The following RBL1 variants were observed in gnomAD, a reference collection of about 807,000 sequenced individuals.
The protein encoded by RBL1 is RB transcriptional corepressor like 1, also known as retinoblastoma-like protein 1.
A neutral mutation model predicts 123.0 loss-of-function variants in RBL1; 82 were observed. That is an observed-to-expected ratio of 0.67 (90% CI 0.56 to 0.80). The LOEUF (loss-of-function observed/expected upper bound fraction) is 0.80. Among genes scored for constraint, RBL1 ranks in the 30% least tolerant of loss-of-function variants. The pLI, the probability that RBL1 is intolerant of heterozygous loss-of-function variation, is 0.00. For missense variants in RBL1, 1,171 were observed against 1,299.6 expected, an observed-to-expected ratio of 0.90 and a Z score of 1.52; for synonymous variants, 405 against 441.3, an observed-to-expected ratio of 0.92 and a Z score of 1.03.
chr20:37,075,516 C>T (rs1009255161), intron 2 of RBL1, among the ~76,000 whole-genome samples: 2 of 151,828 alleles, frequency 1.3e-5, no homozygotes, highest in Admixed American at 6.6e-5. Flanking sequence ...AGTGCAGTGG[C>T]GCGATCTTGG....
At chr20:37,052,143 CTG>C (rs1360552373) in intron 11 of RBL1, among the ~76,000 whole-genome samples, 1 of 151,918 alleles carries the variant, frequency 6.6e-6, no homozygotes, top group Non-Finnish European at 1.5e-5. Context: ...AGAGATTCTC[CTG>C]TCTCAGCCTC....
At position 37,023,468 on chromosome 20, in the gene RBL1, T is replaced by C. The variant is rs118040141; in HGVS notation, c.2383-642A>G. Among the ~76,000 whole-genome samples the C allele has an allele frequency of 5.9e-5, 9 of 152,222 alleles. No homozygotes were observed. The East Asian group carries it at 9.7e-4, about 16-fold the overall frequency. On this transcript the variant is annotated intron_variant, in intron 16 of 21. Coordinates refer to ENST00000373664, the MANE Select transcript of RBL1 (RefSeq NM_002895.5). ...GCTCAGAAGTCTCTGTCTATTCTCT[T>C]TGGGTTCAGGTAAAATTGCTAGGGG...
intron 11 of RBL1, among the ~76,000 whole-genome samples, chr20:37,048,498 G>C (rs2064851481): frequency 6.6e-6 from 1 of 152,088 alleles, no homozygotes; most frequent in South Asian, 2.1e-4. Flanking sequence ...CAACAGCCAG[G>C]CAAGAGATTT....
chr20:37,017,991 C>T (rs2064284237), intron 19 of RBL1, among the ~76,000 whole-genome samples: 1 of 152,102 alleles, frequency 6.6e-6, no homozygotes, highest in South Asian at 2.1e-4. Context: ...CTTGTTTTCC[C>T]TGTCATTCAG....
At chr20:37,062,553 A>G (rs192251911) in intron 7 of RBL1, among the ~76,000 whole-genome samples, 1 of 149,458 alleles carries the variant, frequency 6.7e-6, no homozygotes, top group Non-Finnish European at 1.5e-5. Flanking sequence ...CTAAGGAAAC[A>G]CTAGTGGCTT....
chr20:37,072,553 AC>A (rs1222379316), intron 2 of RBL1, among the ~76,000 whole-genome samples: 1 of 152,170 alleles, frequency 6.6e-6, no homozygotes, highest in Non-Finnish European at 1.5e-5. Context: ...TGCATGTGAA[AC>A]CCTCTGCTTT....
At chr20:37,018,391 A>T in intron 18 of RBL1, 22 bp from the exon 19 acceptor site, 1 of 1,592,134 alleles carries the variant, frequency 6.3e-7, no homozygotes, top group Non-Finnish European at 8.5e-7. Context: ...AGGGGAAGAA[A>T]AGGACAGCTC....
intron 9 of RBL1, among the ~76,000 whole-genome samples, chr20:37,060,387 G>A (rs901619891): frequency 6.6e-6 from 1 of 151,866 alleles, no homozygotes; most frequent in Non-Finnish European, 1.5e-5. Context: ...CATAACTCAG[G>A]GGTAGTTATA....
chr20:37,073,377 T>C (rs2065311208), intron 2 of RBL1, among the ~76,000 whole-genome samples: 2 of 152,136 alleles, frequency 1.3e-5, no homozygotes, highest in Admixed American at 6.6e-5. Flanking sequence ...ACTTCACAGC[T>C]TTCAATTCAT....
intron 16 of RBL1, among the ~76,000 whole-genome samples, chr20:37,026,334 CAAAA>C (rs996937155): frequency 6.6e-6 from 1 of 151,882 alleles, no homozygotes; most frequent in African/African-American, 2.4e-5. Context: ...CATCAAGTGA[CAAAA>C]GAATGGAGAA....
At chr20:37,025,017 C>A (rs1458408119) in intron 16 of RBL1, among the ~76,000 whole-genome samples, 2 of 152,106 alleles carry the variant, frequency 1.3e-5, no homozygotes, top group African/African-American at 4.8e-5. Context: ...AAGGGATTTC[C>A]CTAAAAGATG....
intron 6 of RBL1, 99 bp from the exon 7 acceptor site, chr20:37,065,572 C>A: frequency 1.4e-6 from 1 of 699,414 alleles, no homozygotes; most frequent in South Asian, 2.2e-5. Context: ...TTATAACACA[C>A]ACACAAAACA....
intron 2 of RBL1, among the ~76,000 whole-genome samples, chr20:37,078,779 C>A (rs1358984908): frequency 6.6e-6 from 1 of 151,242 alleles, no homozygotes; most frequent in African/African-American, 2.4e-5. Context: ...GTGAAATGGG[C>A]AGTTTTCATT....
chr20:37,081,578 AC>A (rs34982013), intron 2 of RBL1, among the ~76,000 whole-genome samples: 43 of 151,084 alleles, frequency 2.8e-4, no homozygotes, highest in African/African-American at 1.0e-3. Context: ...GGACAGCTTG[AC>A]CCCCCCAAGT....
intron 2 of RBL1, among the ~76,000 whole-genome samples, chr20:37,082,274 A>T (rs913007550): frequency 5.9e-5 from 9 of 152,172 alleles, no homozygotes; most frequent in African/African-American, 2.2e-4. Context: ...AGCATAGTTC[A>T]CTGAGGCAGA....
intron 11 of RBL1, among the ~76,000 whole-genome samples, chr20:37,052,469 T>C (rs1349124291): frequency 1.3e-5 from 2 of 152,046 alleles, no homozygotes; most frequent in African/African-American, 4.8e-5. Flanking sequence ...GTAGCTGGGA[T>C]TGCAGGCGCC....
chr20:37,087,333 CA>C (rs79340550), intron 2 of RBL1, among the ~76,000 whole-genome samples: 334 of 134,656 alleles, frequency 2.5e-3, no homozygotes, highest in Middle Eastern at 3.7e-3. Context: ...GACTCTGTCC[CA>C]AAAAAAAAAA....
At chr20:37,068,235 A>G (rs1195577238) in intron 2 of RBL1, 49 bp from the exon 3 acceptor site, 1 of 1,501,188 alleles carries the variant, frequency 6.7e-7, no homozygotes, top group Non-Finnish European at 8.9e-7. Context: ...ATTCATTTAA[A>G]TAATGGATTG....
chr20:37,085,807 G>A (rs2065536063), intron 2 of RBL1, among the ~76,000 whole-genome samples: 1 of 151,356 alleles, frequency 6.6e-6, no homozygotes, highest in Non-Finnish European at 1.5e-5. Flanking sequence ...GCGCCCACCT[G>A]GCTAATTTTG....
Sources: allele counts gnomAD v4.1 joint callset (sites outside exome capture counted in the v4.1 genomes callset), GRCh38; gene constraint gnomAD v4.1.1; transcripts MANE v1.5; gene names NCBI Gene and HGNC (gene_info 2026-07-23, HGNC 2026-07-21).